PIK3C2G: variants seen among roughly 807,000 people sequenced by gnomAD.
The protein encoded by PIK3C2G is phosphatidylinositol 3-kinase C2 domain-containing subunit gamma.
In PIK3C2G, 168 loss-of-function variants were observed where a neutral mutation model predicts 181.1. The observed-to-expected ratio is 0.93, with a 90% CI of 0.82 to 1.05. PIK3C2G has a LOEUF of 1.05. PIK3C2G is among the 50% of genes least tolerant of loss of function. The probability of loss-of-function intolerance (pLI) is 0.00; values close to 1 mark genes in which losing one functional copy is unlikely to be tolerated. For synonymous variants in PIK3C2G, 573 were observed against 592.2 expected, an observed-to-expected ratio of 0.97 and a Z score of 0.47; for missense variants, 1,869 against 1,732.8, an observed-to-expected ratio of 1.08 and a Z score of -1.40.
chr12:18,329,468 C>T (rs933008555), intron 8 of PIK3C2G, among the ~76,000 whole-genome samples: 3 of 151,980 alleles, frequency 2.0e-5, no homozygotes, highest in Non-Finnish European at 2.9e-5. Context: ...AAGTTTGCAT[C>T]TACTAGCAAT....
intron 31 of PIK3C2G, among the ~76,000 whole-genome samples, chr12:18,613,491 TTTTAA>T (rs1948447060): frequency 6.6e-6 from 1 of 152,126 alleles, no homozygotes; most frequent in Non-Finnish European, 1.5e-5. Context: ...ACTGTATTAC[TTTTAA>T]TTTTTTTATT....
chr12:18,452,570 G>C (rs1283495167), intron 18 of PIK3C2G, among the ~76,000 whole-genome samples: 1 of 151,572 alleles, frequency 6.6e-6, no homozygotes, highest in African/African-American at 2.4e-5. Flanking sequence ...ATCTCCTTCA[G>C]TTCTGATCTA....
intron 18 of PIK3C2G, among the ~76,000 whole-genome samples, chr12:18,433,715 A>C (rs2135778529): frequency 6.6e-6 from 1 of 152,292 alleles, no homozygotes; most frequent in South Asian, 2.1e-4. Context: ...TTAAGCAACT[A>C]CCAATTATGC....
the PIK3C2G span, among the ~76,000 whole-genome samples, chr12:18,718,328 T>C: frequency 0.035 from 5,362 of 152,172 alleles, 131 homozygotes; most frequent in East Asian, 0.054. Flanking sequence ...ATCTTCTACC[T>C]CCACTCTGGC....
At chr12:18,588,699 C>A (rs970560536) in intron 29 of PIK3C2G, among the ~76,000 whole-genome samples, 21 of 152,058 alleles carry the variant, frequency 1.4e-4, no homozygotes, top group African/African-American at 4.1e-4. Context: ...CCTCAAGAAG[C>A]TAGAAAGAGA....
At chr12:18,666,145 A>G in the PIK3C2G span, among the ~76,000 whole-genome samples, 3 of 152,024 alleles carry the variant, frequency 2.0e-5, no homozygotes, top group African/African-American at 4.8e-5. Flanking sequence ...ACACTAGAAA[A>G]TATCTAACAC....
the PIK3C2G span, among the ~76,000 whole-genome samples, chr12:18,706,188 C>T: frequency 0.021 from 3,186 of 151,320 alleles, 131 homozygotes; most frequent in African/African-American, 0.075. Context: ...GCCGAGATTG[C>T]ACCATTGCAC....
At chr12:18,356,801 A>G (rs1940780225) in intron 11 of PIK3C2G, among the ~76,000 whole-genome samples, 1 of 147,178 alleles carries the variant, frequency 6.8e-6, no homozygotes, top group South Asian at 2.1e-4. Flanking sequence ...GCTGACCTCA[A>G]GCTGCTTTTT....
the PIK3C2G span, chr12:18,723,364 A>G: frequency 5.0e-6 from 8 of 1,612,800 alleles, no homozygotes; most frequent in Non-Finnish European, 6.8e-6. Flanking sequence ...AGCTTTACTC[A>G]TCTCAGCTGC....
chr12:18,533,547 T>C (rs1943669669), intron 24 of PIK3C2G, among the ~76,000 whole-genome samples: 1 of 152,164 alleles, frequency 6.6e-6, no homozygotes, highest in Admixed American at 6.6e-5. Flanking sequence ...TCTGCTCATA[T>C]ATACCCTTCC....
At chr12:18,254,785 G>C (rs1020505273) in intron 1 of PIK3C2G, among the ~76,000 whole-genome samples, 1 of 152,082 alleles carries the variant, frequency 6.6e-6, no homozygotes, top group Non-Finnish European at 1.5e-5. Flanking sequence ...CCGGGAGGCA[G>C]AGGTTGGAGT....
At chr12:18,246,800 A>G (rs1393458685), upstream of PIK3C2G, among the ~76,000 whole-genome samples, 1 of 152,196 alleles carries the variant, frequency 6.6e-6, no homozygotes, top group Non-Finnish European at 1.5e-5. Flanking sequence ...GGACAGGTCT[A>G]GGACAACCTC....
At chr12:18,587,536 C>T (rs1946851812) in intron 29 of PIK3C2G, among the ~76,000 whole-genome samples, 1 of 152,040 alleles carries the variant, frequency 6.6e-6, no homozygotes, top group Non-Finnish European at 1.5e-5. Context: ...TTACAAAACA[C>T]TGCTCAAAGA....
At chr12:18,714,758 G>A in the PIK3C2G span, 1 of 152,128 alleles carries the variant, frequency 6.6e-6, no homozygotes, top group Non-Finnish European at 1.5e-5. Flanking sequence ...CTGGAGATAG[G>A]GAGAGGTTTG....
Position 18,309,771 on chromosome 12 carries a change from T to G in PIK3C2G, c.1035-4191T>G, listed in dbSNP as rs569853107. ...CTGATTTTTATTTCCTACAAGTGCA[T>G]GTACACCCTGGAAGTGTCTCTTGTA... On this transcript the variant is annotated intron_variant, in intron 5 of 32. Coordinates refer to ENST00000538779, the MANE Select transcript of PIK3C2G (RefSeq NM_001288772.2). 1.8e-4 allele frequency among the ~76,000 whole-genome samples: 27 copies of G among 151,966 alleles called. No homozygotes were observed. In the South Asian group the frequency reaches 2.1e-3, roughly 12 times the overall value.
chr12:18,724,405 T>TA, the PIK3C2G span, among the ~76,000 whole-genome samples: 1 of 151,992 alleles, frequency 6.6e-6, no homozygotes, highest in Non-Finnish European at 1.5e-5. Flanking sequence ...CACTAACAAA[T>TA]AAAAAAACTG....
At chr12:18,632,300 C>A (rs1358965343) in intron 31 of PIK3C2G, among the ~76,000 whole-genome samples, 1 of 152,100 alleles carries the variant, frequency 6.6e-6, no homozygotes, top group Non-Finnish European at 1.5e-5. Flanking sequence ...AGCCTTACTG[C>A]TTAAGTACTG....
chr12:18,298,968 G>C (rs1252722684), intron 5 of PIK3C2G, among the ~76,000 whole-genome samples: 5 of 151,698 alleles, frequency 3.3e-5, no homozygotes, highest in African/African-American at 1.2e-4. Flanking sequence ...AATGTATTTT[G>C]AAGGCAAGTA....
At chr12:18,266,248 T>C (rs1168798862) in intron 1 of PIK3C2G, among the ~76,000 whole-genome samples, 1 of 152,038 alleles carries the variant, frequency 6.6e-6, no homozygotes. Context: ...ATACGGATGG[T>C]ATTTTTCTCC....
Sources: allele counts gnomAD v4.1 joint callset (sites outside exome capture counted in the v4.1 genomes callset), GRCh38; gene constraint gnomAD v4.1.1; transcripts MANE v1.5; gene names NCBI Gene and HGNC (gene_info 2026-07-23, HGNC 2026-07-21).